Variants in REEP3 observed in about 807,000 individuals in gnomAD.
REEP3 encodes receptor expression-enhancing protein 3.
In REEP3, 20 loss-of-function variants were observed where a neutral mutation model predicts 41.3. That is an observed-to-expected ratio of 0.48 (90% CI 0.34 to 0.70). The LOEUF is 0.70. REEP3 is among the 30% of genes least tolerant of loss of function. REEP3 has a pLI of 0.01. For synonymous variants in REEP3, 104 were observed against 101.8 expected (o/e 1.02, Z -0.13); for missense variants, 271 against 308.8 (o/e 0.88, Z 0.92).
chr10:63,576,463 ACTCTAC>A (rs1172595008), intron 2 of REEP3, among the ~76,000 whole-genome samples: 2 of 151,340 alleles, frequency 1.3e-5, no homozygotes, highest in Non-Finnish European at 2.9e-5. Flanking sequence ...CTACCTCCAC[ACTCTAC>A]CTCCATTGTC....
chr10:63,619,883 T>C, intron 7 of REEP3, 83 bp downstream of exon 7: 4 of 872,388 alleles, frequency 4.6e-6, no homozygotes, highest in Non-Finnish European at 6.7e-6. Context: ...TAATGATCCA[T>C]AAATGAAGGA....
chr10:63,602,070 A>T (rs1956176673), intron 5 of REEP3, among the ~76,000 whole-genome samples: 1 of 152,132 alleles, frequency 6.6e-6, no homozygotes, highest in Non-Finnish European at 1.5e-5. Flanking sequence ...GAAAAAATAC[A>T]TTGGCGGCAA....
intron 1 of REEP3, among the ~76,000 whole-genome samples, chr10:63,522,947 A>AC (rs1235257862): frequency 6.7e-6 from 1 of 150,154 alleles, no homozygotes; most frequent in African/African-American, 2.5e-5. Context: ...ACCTTTCTTG[A>AC]CCTAGTAGAT....
intron 6 of REEP3, among the ~76,000 whole-genome samples, chr10:63,618,022 C>T (rs1489905228): frequency 2.6e-5 from 4 of 151,228 alleles, no homozygotes; most frequent in Non-Finnish European, 5.9e-5. Context: ...TCGGGTGTTT[C>T]ACCATGTTGG....
Position 63,619,746 on chromosome 10 carries a change from G to T in REEP3, c.657G>T (p.Gly219=). ...ATAATGAGATGTTAACACACAAAGG[G>T]CTTCGAAGATCGCAAAGCATGAAAT... ...YSDNEMLTHK[G]LRRSQSMKSV... is the part of the protein sequence containing the mutation. The change falls in exon 7 of 8, where the codon GGG becomes GGT. Residue 219 remains glycine, a synonymous_variant. Coordinates refer to ENST00000373758, the MANE Select transcript of REEP3 (RefSeq NM_001001330.3). The T allele has an allele frequency of 6.2e-7, 1 of 1,609,762 alleles. No individual in the cohort carries two copies. The highest frequency in any genetic ancestry group is 8.5e-7 in the Non-Finnish European group (1 of 1,178,048).
At chr10:63,536,323 T>TC (rs1955473892) in intron 1 of REEP3, among the ~76,000 whole-genome samples, 1 of 152,226 alleles carries the variant, frequency 6.6e-6, no homozygotes, top group African/African-American at 2.4e-5. Context: ...CACTCACATA[T>TC]CATCACCCTA....
chr10:63,602,231 T>C (rs767662314), intron 5 of REEP3, among the ~76,000 whole-genome samples: 9 of 152,108 alleles, frequency 5.9e-5, no homozygotes, highest in Non-Finnish European at 1.0e-4. Context: ...TTAACAACTG[T>C]GGTTTTGCCA....
chr10:63,533,256 C>T (rs1182383165), intron 1 of REEP3, among the ~76,000 whole-genome samples: 1 of 152,196 alleles, frequency 6.6e-6, no homozygotes, highest in Admixed American at 6.5e-5. Flanking sequence ...CAAACTGACT[C>T]TTGGAGAGGC....
At chr10:63,528,673 A>G (rs1234802173) in intron 1 of REEP3, among the ~76,000 whole-genome samples, 2 of 152,040 alleles carry the variant, frequency 1.3e-5, no homozygotes, top group Admixed American at 6.6e-5. Context: ...ACTTTTTTCC[A>G]TCTCAAACCT....
intron 5 of REEP3, among the ~76,000 whole-genome samples, chr10:63,604,453 G>A (rs1008213045): frequency 6.6e-6 from 1 of 152,140 alleles, no homozygotes; most frequent in Non-Finnish European, 1.5e-5. Context: ...GAATTTCTCT[G>A]GCAGCCTTTT....
At chr10:63,617,433 T>A (rs1956320013) in intron 6 of REEP3, among the ~76,000 whole-genome samples, 2 of 152,174 alleles carry the variant, frequency 1.3e-5, no homozygotes, top group South Asian at 4.1e-4. Context: ...ATATGTATAT[T>A]TTTTGAAACA....
intron 5 of REEP3, among the ~76,000 whole-genome samples, chr10:63,602,214 T>C (rs1248364650): frequency 6.6e-6 from 1 of 152,086 alleles, no homozygotes; most frequent in Admixed American, 6.5e-5. Flanking sequence ...GAACACAGAC[T>C]AAGGATTTAA....
chr10:63,574,860 T>C (rs1005313905), intron 2 of REEP3, among the ~76,000 whole-genome samples: 2 of 111,162 alleles, frequency 1.8e-5, no homozygotes, highest in African/African-American at 5.8e-5. Flanking sequence ...TTTTTTTTTT[T>C]TTTTTTTTTT....
chr10:63,574,859 T>C (rs1955884214), intron 2 of REEP3, among the ~76,000 whole-genome samples: 1 of 110,504 alleles, frequency 9.0e-6, no homozygotes, highest in Non-Finnish European at 2.1e-5. Context: ...TTTTTTTTTT[T>C]TTTTTTTTTT....
At chr10:63,601,030 T>C (rs1956167531) in intron 5 of REEP3, among the ~76,000 whole-genome samples, 1 of 151,890 alleles carries the variant, frequency 6.6e-6, no homozygotes, top group African/African-American at 2.4e-5. Flanking sequence ...GGGGGGCGCC[T>C]GTAATCCCAG....
At chr10:63,597,502 T>G (rs1227610362) in intron 3 of REEP3, among the ~76,000 whole-genome samples, 1 of 152,226 alleles carries the variant, frequency 6.6e-6, no homozygotes, top group Non-Finnish European at 1.5e-5. Flanking sequence ...CAAAGGAAGA[T>G]TCTTGTATTA....
chr10:63,574,650 T>C (rs1221451807), intron 2 of REEP3, among the ~76,000 whole-genome samples: 2 of 152,130 alleles, frequency 1.3e-5, no homozygotes, highest in Non-Finnish European at 2.9e-5. Flanking sequence ...TCTGGTGTTA[T>C]TCACTATCTT....
chr10:63,593,387 C>T (rs889797798), intron 2 of REEP3, among the ~76,000 whole-genome samples: 1 of 152,154 alleles, frequency 6.6e-6, no homozygotes, highest in African/African-American at 2.4e-5. Context: ...TTAAGCAATT[C>T]CAGAGTCAGG....
At chr10:63,606,690 T>G (rs1025011765) in intron 5 of REEP3, among the ~76,000 whole-genome samples, 1 of 152,222 alleles carries the variant, frequency 6.6e-6, no homozygotes, top group African/African-American at 2.4e-5. Context: ...ATGTTCTATT[T>G]GTGGCCTCAA....
Sources: allele counts gnomAD v4.1 joint callset (sites outside exome capture counted in the v4.1 genomes callset), GRCh38; gene constraint gnomAD v4.1.1; transcripts MANE v1.5; gene names NCBI Gene and HGNC (gene_info 2026-07-23, HGNC 2026-07-21).